The following ZNF717 variants were observed in gnomAD, a reference collection of about 807,000 sequenced individuals.
ZNF717 encodes zinc finger protein 717, also known as krueppel-like factor X17.
ZNF717 carries 9 observed loss-of-function variants against 13.8 expected under a neutral mutation model. The ratio of observed to expected loss-of-function variants is 0.65; its 90% CI spans 0.39 to 1.14. The LOEUF (loss-of-function observed/expected upper bound fraction) is 1.14, where lower values mean the gene tolerates loss of function less well. Ranked by LOEUF, ZNF717 falls within the 50% of genes most tolerant of loss-of-function variation. The pLI is 0.01. For missense variants in ZNF717, 1,040 were observed against 1,080.7 expected, an observed-to-expected ratio of 0.96 and a Z score of 0.53; for synonymous variants, 327 against 364.1, an observed-to-expected ratio of 0.90 and a Z score of 1.16.
intron 2 of ZNF717, among the ~76,000 whole-genome samples, chr3:75,781,952 T>C (rs1944856133): frequency 6.6e-6 from 1 of 152,098 alleles, no homozygotes; most frequent in Admixed American, 6.6e-5. Context: ...TTGCTGCAGC[T>C]AGAATCCCCC....
intron 5 of ZNF717, among the ~76,000 whole-genome samples, chr3:75,714,706 A>G (rs1938012067): frequency 1.3e-5 from 2 of 152,148 alleles, no homozygotes; most frequent in African/African-American, 4.8e-5. Flanking sequence ...TACACTGGCC[A>G]TTTTGAAGAT....
At chr3:75,719,709 C>A (rs1397977154) in intron 4 of ZNF717, among the ~76,000 whole-genome samples, 2 of 152,104 alleles carry the variant, frequency 1.3e-5, no homozygotes, top group Non-Finnish European at 2.9e-5. Flanking sequence ...GTAATCCCAG[C>A]ACTTTGGGAG....
chr3:75,765,730 A>C (rs1943412874), intron 2 of ZNF717, among the ~76,000 whole-genome samples: 1 of 152,230 alleles, frequency 6.6e-6, no homozygotes, highest in Admixed American at 6.5e-5. Context: ...ATTATTTGAA[A>C]AAGCCAAAAG....
intron 4 of ZNF717, 103 bp downstream of exon 4, chr3:75,741,173 G>A: frequency 1.4e-6 from 1 of 720,908 alleles, no homozygotes; most frequent in Non-Finnish European, 2.5e-6. Flanking sequence ...ACAGCCTTCA[G>A]GTCGAAGACC....
intron 2 of ZNF717, among the ~76,000 whole-genome samples, chr3:75,755,867 A>G (rs990923825): frequency 4.6e-5 from 7 of 152,282 alleles, no homozygotes; most frequent in African/African-American, 1.4e-4. Flanking sequence ...CAAACACAGT[A>G]GATATTAATC....
chr3:75,765,886 A>G (rs1256700824), intron 2 of ZNF717, among the ~76,000 whole-genome samples: 1 of 152,216 alleles, frequency 6.6e-6, no homozygotes, highest in East Asian at 1.9e-4. Context: ...AGGTGCGTAG[A>G]TTGCTTGAGC....
intron 5 of ZNF717, among the ~76,000 whole-genome samples, chr3:75,714,210 T>C (rs1938003880): frequency 6.6e-6 from 1 of 151,570 alleles, no homozygotes; most frequent in Admixed American, 6.6e-5. Flanking sequence ...GAGCAGAGTC[T>C]TCTCTAAACT....
intron 5 of ZNF717, among the ~76,000 whole-genome samples, chr3:75,715,405 A>G (rs962911933): frequency 2.5e-4 from 38 of 151,784 alleles, no homozygotes; most frequent in African/African-American, 7.5e-4. Context: ...CATGGCAGAA[A>G]TAGCAAAATT....
At chr3:75,726,412 C>T (rs1234061241), downstream of ZNF717, among the ~76,000 whole-genome samples, 1 of 152,236 alleles carries the variant, frequency 6.6e-6, no homozygotes, top group Non-Finnish European at 1.5e-5. Flanking sequence ...CACTTGGGCT[C>T]ATGAGTTCAA....
intron 2 of ZNF717, among the ~76,000 whole-genome samples, chr3:75,778,151 A>G (rs947269806): frequency 6.6e-6 from 1 of 151,982 alleles, no homozygotes; most frequent in African/African-American, 2.4e-5. Context: ...AAAAACCAGA[A>G]CCCAAAACAA....
chr3:75,708,874 T>G (rs1159148148), downstream of ZNF717, among the ~76,000 whole-genome samples: 5 of 152,312 alleles, frequency 3.3e-5, no homozygotes, highest in Non-Finnish European at 7.4e-5. Flanking sequence ...GGCATCTGCT[T>G]CTGGTGAGAG....
chr3:75,785,322 C>T (rs1576020838), intron 1 of ZNF717, 62 bp downstream of exon 1: 1 of 152,698 alleles, frequency 6.5e-6, no homozygotes. Flanking sequence ...CTCTAGAACC[C>T]GCTTCACTGC....
At position 75,768,668 on chromosome 3, in the gene ZNF717, G is replaced by A. The variant is rs192576852; in HGVS notation, c.57+14638C>T. ...TCACTGCAGCTGAGTGTGTCGGGGG[G>A]CAGATGACAGGCCACCACACCCTCA... On this transcript the variant is annotated intron_variant, in intron 2 of 4. Transcript: ENST00000652011. 1.3e-3 allele frequency among the ~76,000 whole-genome samples: 185 copies of A among 143,672 alleles called. 6 individuals are homozygous for A. The highest frequency in any genetic ancestry group is 9.1e-3 in the Admixed American group (129 of 14,186). 94.3% of individuals were successfully genotyped at this position (143,672 alleles called of 152,430 possible).
At chr3:75,754,819 C>G (rs1156549456) in intron 2 of ZNF717, among the ~76,000 whole-genome samples, 1 of 152,076 alleles carries the variant, frequency 6.6e-6, no homozygotes, top group Non-Finnish European at 1.5e-5. Flanking sequence ...ATGTCAGACA[C>G]CAAACCAAAG....
chr3:75,740,975 A>C (rs1372142372), intron 4 of ZNF717, among the ~76,000 whole-genome samples: 1 of 152,102 alleles, frequency 6.6e-6, no homozygotes, highest in East Asian at 1.9e-4. Context: ...AATTTTTAAG[A>C]TACTACATCA....
intron 6 of ZNF717, among the ~76,000 whole-genome samples, chr3:75,703,635 T>G (rs78611539): frequency 7.3e-6 from 1 of 136,200 alleles, no homozygotes; most frequent in Non-Finnish European, 1.6e-5. Flanking sequence ...TTAACTATCA[T>G]TTTGTTTATA....
intron 2 of ZNF717, among the ~76,000 whole-genome samples, chr3:75,745,668 C>T (rs1271291188): frequency 6.6e-6 from 1 of 151,990 alleles, no homozygotes; most frequent in Non-Finnish European, 1.5e-5. Context: ...CTTTGTAACT[C>T]TATGAGATCA....
At chr3:75,695,113 T>A (rs1937590061) in intron 6 of ZNF717, among the ~76,000 whole-genome samples, 1 of 152,236 alleles carries the variant, frequency 6.6e-6, no homozygotes, top group South Asian at 2.1e-4. Context: ...TAAAGATATA[T>A]TTAGACTGAA....
At chr3:75,711,898 T>C (rs1015587296) in intron 5 of ZNF717, among the ~76,000 whole-genome samples, 1 of 152,260 alleles carries the variant, frequency 6.6e-6, no homozygotes, top group African/African-American at 2.4e-5. Context: ...TGGTTTAAAA[T>C]CTGATCAAAG....
Sources: allele counts gnomAD v4.1 joint callset (sites outside exome capture counted in the v4.1 genomes callset), GRCh38; gene constraint gnomAD v4.1.1; transcripts MANE v1.5; gene names NCBI Gene and HGNC (gene_info 2026-07-23, HGNC 2026-07-21).